SAP30L: variants seen among roughly 807,000 people sequenced by gnomAD.
The protein encoded by SAP30L is SAP30 like.
A neutral mutation model predicts 22.3 loss-of-function variants in SAP30L; 10 were observed. That is an observed-to-expected ratio of 0.45 (90% CI 0.28 to 0.76). The LOEUF is 0.76. Ranked by LOEUF, SAP30L falls within the 30% of genes least tolerant of loss-of-function variation. The pLI is 0.14. For synonymous variants in SAP30L, 91 were observed against 94.1 expected, an observed-to-expected ratio of 0.97 and a Z score of 0.19; for missense variants, 206 against 237.9, an observed-to-expected ratio of 0.87 and a Z score of 0.88.
Position 154,456,012 on chromosome 5 carries a change from G to T in SAP30L, c.536G>T (p.Gly179Val), listed in dbSNP as rs1406608022. Residue 179 changes from glycine (G) to valine (V), a missense_variant, in exon 4 of 4, where the codon GGC becomes GTC. Transcript: ENST00000297109. The stretch of plus-strand genomic sequence containing the variant: ...AGACTGGACCAGAAATCGGAGGGTG[G>T]CAAGCAGCTTGAGTGAGGATGAAGC... ...KSRLDQKSEG[G>V]KQLE The T allele has an allele frequency of 6.2e-7, 1 of 1,613,744 alleles. No homozygotes were observed. Among genetic ancestry groups the T allele is most frequent in the East Asian group, 2.2e-5 (1 of 44,882 alleles).
intron 3 of SAP30L, among the ~76,000 whole-genome samples, chr5:154,455,266 A>G (rs1055239673): frequency 3.9e-5 from 6 of 152,142 alleles, no homozygotes; most frequent in Non-Finnish European, 5.9e-5. Flanking sequence ...TCTGTCTCCT[A>G]GGCTGGGGTG....
chr5:154,460,049 T>C lies in SAP30L; in HGVS notation c.*4021T>C, dbSNP rs986423756. ...CAACCTCTGGCCCTCTTGACCTGTCTAGCATTCTTTCTTTCTGACCTATAG... is the reference window on the plus strand; with the variant it reads ...CAACCTCTGGCCCTCTTGACCTGTCCAGCATTCTTTCTTTCTGACCTATAG... On this transcript the variant is annotated 3_prime_UTR_variant, in exon 4 of 4. Coordinates refer to ENST00000297109, the MANE Select transcript of SAP30L (RefSeq NM_024632.6). 2 of 152,218 alleles carry C rather than the reference T, an allele frequency of 1.3e-5. No homozygotes were observed. Among genetic ancestry groups the C allele is most frequent in the African/African-American group, 4.8e-5 (2 of 41,462 alleles). The allele number at this position is 152,218 out of a possible 1,614,324, so 9.4% of individuals were successfully genotyped here.
intron 3 of SAP30L, 84 bp downstream of exon 3, chr5:154,453,584 T>A (rs1406319095): frequency 8.6e-6 from 8 of 935,410 alleles, no homozygotes; most frequent in Non-Finnish European, 1.4e-5. Context: ...ACCTTGTGTG[T>A]CTGCTAATTG....
At position 154,456,240 on chromosome 5, in the gene SAP30L, A is replaced by T; in HGVS notation, c.*212A>T. The T allele has an allele frequency of 2.6e-6, 1 of 386,272 alleles. No homozygotes were observed. The highest frequency in any genetic ancestry group is 4.6e-6 in the Non-Finnish European group (1 of 218,762). The allele number at this position is 386,272 out of a possible 1,614,324, so 23.9% of individuals were successfully genotyped here. On this transcript the variant is annotated 3_prime_UTR_variant, in exon 4 of 4. Coordinates refer to ENST00000297109, the MANE Select transcript of SAP30L (RefSeq NM_024632.6). ...TTTTACGATAACTCTGGACTAAAAA[A>T]ATCAGGATCATTAAAAGAATTAAAA...
In SAP30L at chr5:154,446,283, G is replaced by A; in HGVS notation, c.-322G>A. 3.8e-6 allele frequency: 1 copy of A among 265,062 alleles called. No homozygotes were observed. The allele number at this position is 265,062 out of a possible 1,614,324, so 16.4% of individuals were successfully genotyped here. A position where few individuals can be genotyped will look rare whatever the true frequency, so the allele number is the denominator to read the frequency against. On this transcript the variant is annotated 5_prime_UTR_variant, in exon 1 of 4. Coordinates refer to ENST00000297109, the MANE Select transcript of SAP30L (RefSeq NM_024632.6). ...TTGGGGAGCGGCTGTTTCCTGGGAC[G>A]CCCTCCCGGACACCCCCGCTGCAGG...
rs1324603165 is a variant in SAP30L at position 154,446,645 on chromosome 5, C to A, written c.41C>A (p.Pro14His). ...ACGGAGGAGGACAGCCGCGAAGGGC[C>A]CCCCGCCGCCCCAGCTGCCGCCGCC... ...FSTEEDSREG[P>H]PAAPAAAAPG... Residue 14 changes from proline (P) to histidine (H), a missense_variant, in exon 1 of 4, where the codon CCC becomes CAC. Around this residue, in one of 2 missense-constraint regions of SAP30L, gnomAD observed 70 missense variants for 50.5 expected, o/e 1.39. Transcript: ENST00000297109. 1.3e-6 allele frequency: 2 copies of A among 1,534,194 alleles called. No individual in the cohort carries two copies. Among genetic ancestry groups the A allele is most frequent in the East Asian group, 2.5e-5 (1 of 39,928 alleles).
At chr5:154,454,699 A>G (rs995779486) in intron 3 of SAP30L, among the ~76,000 whole-genome samples, 2 of 152,086 alleles carry the variant, frequency 1.3e-5, no homozygotes, top group African/African-American at 4.8e-5. Flanking sequence ...AACATCACCC[A>G]TTTGCCAGTG....
intron 3 of SAP30L, among the ~76,000 whole-genome samples, 179 bp from the exon 4 acceptor site, chr5:154,455,721 C>T (rs1757249208): frequency 6.6e-6 from 1 of 152,186 alleles, no homozygotes; most frequent in Non-Finnish European, 1.5e-5. Context: ...AAACCACCTA[C>T]ATCCCTGGGG....
Position 154,457,565 on chromosome 5 carries a change from C to G in SAP30L, c.*1537C>G, listed in dbSNP as rs1479416521. The G allele has an allele frequency of 3.9e-5, 6 of 152,194 alleles. No individual in the cohort carries two copies. Among genetic ancestry groups the G allele is most frequent in the Admixed American group, 6.5e-5 (1 of 15,278 alleles). 9.4% of individuals were successfully genotyped at this position (152,194 alleles called of 1,614,324 possible). On this transcript the variant is annotated 3_prime_UTR_variant, in exon 4 of 4. Transcript: ENST00000297109. ...GCAGGGCGGCGGAGTGTCCAAAGGTCTCAGTTCTGTGGAGCAGAGTACCAC... is the reference window on the plus strand; with the variant it reads ...GCAGGGCGGCGGAGTGTCCAAAGGTGTCAGTTCTGTGGAGCAGAGTACCAC...
chr5:154,448,248 T>TTTG (rs1175057449), intron 1 of SAP30L, among the ~76,000 whole-genome samples: 2 of 152,190 alleles, frequency 1.3e-5, no homozygotes, highest in African/African-American at 2.4e-5. Flanking sequence ...AGTTCTGGGA[T>TTTG]TACAGGCGTG....
At chr5:154,452,362 C>CA in intron 2 of SAP30L, 1 of 362,268 alleles carries the variant, frequency 2.8e-6, no homozygotes, top group Non-Finnish European at 3.3e-6. Context: ...AAGTGGTTTT[C>CA]ACCAAAAAAA....
chr5:154,448,121 G>A (rs940215602), intron 1 of SAP30L, among the ~76,000 whole-genome samples: 3 of 151,916 alleles, frequency 2.0e-5, no homozygotes, highest in African/African-American at 7.3e-5. Context: ...GATTACAGGC[G>A]TTTGCCGCCA....
At chr5:154,450,162 T>G (rs1411638250) in intron 1 of SAP30L, among the ~76,000 whole-genome samples, 12 of 152,236 alleles carry the variant, frequency 7.9e-5, no homozygotes, top group Admixed American at 7.2e-4. Context: ...AGTTTTTCAG[T>G]GGTTCCTCCA....
intron 2 of SAP30L, 102 bp downstream of exon 2, chr5:154,451,315 TC>T: frequency 7.7e-7 from 1 of 1,290,576 alleles, no homozygotes; most frequent in Non-Finnish European, 1.1e-6. Flanking sequence ...GTAATTTTAG[TC>T]CTTTTGTTTT....
At chr5:154,452,743 A>AGCT (rs1554104500) in intron 2 of SAP30L, among the ~76,000 whole-genome samples, 1 of 151,710 alleles carries the variant, frequency 6.6e-6, no homozygotes, top group Non-Finnish European at 1.5e-5. Context: ...TGAGGATAAC[A>AGCT]GCCCTCCTTT....
At chr5:154,455,875 A>G in intron 3 of SAP30L, 25 bp from the exon 4 acceptor site, 1 of 1,597,872 alleles carries the variant, frequency 6.3e-7, no homozygotes, top group Non-Finnish European at 8.5e-7. Context: ...GGTTTAAGGA[A>G]CTTTGGTATT....
Position 154,456,604 on chromosome 5 carries a change from C to G in SAP30L, c.*576C>G, listed in dbSNP as rs1442610922. On this transcript the variant is annotated 3_prime_UTR_variant, in exon 4 of 4. Coordinates refer to ENST00000297109, the MANE Select transcript of SAP30L (RefSeq NM_024632.6). ...GCTAATTGAGCTGTCACTAATAGTGCCAGCCTTGTAACATCCGCTTCACAC... is the reference window on the plus strand; with the variant it reads ...GCTAATTGAGCTGTCACTAATAGTGGCAGCCTTGTAACATCCGCTTCACAC... The G allele has an allele frequency of 6.6e-6, 1 of 152,474 alleles. No homozygotes were observed. Among genetic ancestry groups the G allele is most frequent in the African/African-American group, 2.4e-5 (1 of 41,450 alleles). The allele number at this position is 152,474 out of a possible 1,614,324, so 9.4% of individuals were successfully genotyped here.
chr5:154,451,659 C>G lies in SAP30L; in HGVS notation c.324+446C>G, dbSNP rs1757144049. On this transcript the variant is annotated intron_variant, in intron 2 of 3. Coordinates refer to ENST00000297109, the MANE Select transcript of SAP30L (RefSeq NM_024632.6). ...CAGTTCATACCAGCTCTGATTTTCT[C>G]TCACTGATTTCTTGACATCTAGTCC... 3.3e-5 allele frequency among the ~76,000 whole-genome samples: 5 copies of G among 152,158 alleles called. No individual in the cohort carries two copies. In the South Asian group the frequency reaches 8.3e-4, roughly 25 times the overall value.
At chr5:154,448,749 A>G (rs1235099512) in intron 1 of SAP30L, among the ~76,000 whole-genome samples, 1 of 152,216 alleles carries the variant, frequency 6.6e-6, no homozygotes, top group Admixed American at 6.5e-5. Context: ...TTTCACACAC[A>G]CTGTCTAGAA....
Sources: allele counts gnomAD v4.1 joint callset (sites outside exome capture counted in the v4.1 genomes callset), GRCh38; gene constraint gnomAD v4.1.1; regional missense constraint gnomAD v4.1.1; transcripts MANE v1.5; gene names NCBI Gene and HGNC (gene_info 2026-07-23, HGNC 2026-07-21).